The following GNG7 variants were observed in gnomAD, a reference collection of about 807,000 sequenced individuals.
GNG7 encodes the protein G protein subunit gamma 7.
In GNG7, 1 loss-of-function variant was observed where a neutral mutation model predicts 4.0. The ratio of observed to expected loss-of-function variants is 0.25; its 90% CI spans 0.09 to 1.18. The LOEUF (loss-of-function observed/expected upper bound fraction) is 1.18. Among genes scored for constraint, GNG7 ranks in the 50% most tolerant of loss-of-function variants. The probability of loss-of-function intolerance (pLI) is 0.50; values close to 1 mark genes in which losing one functional copy is unlikely to be tolerated. For missense variants in GNG7, 86 were observed against 91.9 expected (o/e 0.94, Z 0.26); for synonymous variants, 34 against 36.9 (o/e 0.92, Z 0.29).
intron 3 of GNG7, among the ~76,000 whole-genome samples, chr19:2,526,044 C>T (rs1459731178): frequency 2.8e-5 from 4 of 145,446 alleles, no homozygotes; most frequent in Non-Finnish European, 5.9e-5. Context: ...GATCTTGGCT[C>T]ACTGCAACCT....
intron 3 of GNG7, among the ~76,000 whole-genome samples, chr19:2,552,871 G>A (rs1222468385): frequency 7.3e-6 from 1 of 136,898 alleles, no homozygotes; most frequent in Admixed American, 7.6e-5. Flanking sequence ...CCTCCCCACT[G>A]TCTGTGGAAA....
At chr19:2,699,737 G>A (rs150573327) in intron 1 of GNG7, among the ~76,000 whole-genome samples, 1 of 152,316 alleles carries the variant, frequency 6.6e-6, no homozygotes, top group Non-Finnish European at 1.5e-5. Context: ...GGAGGTCAGG[G>A]ATGCTGCTCG....
At chr19:2,663,450 C>T (rs1983229588) in intron 1 of GNG7, among the ~76,000 whole-genome samples, 2 of 152,154 alleles carry the variant, frequency 1.3e-5, no homozygotes, top group South Asian at 4.2e-4. Flanking sequence ...ATGCCAGCAC[C>T]TCGACATTGG....
intron 2 of GNG7, among the ~76,000 whole-genome samples, chr19:2,620,121 C>T (rs1435437317): frequency 1.3e-5 from 2 of 150,842 alleles, no homozygotes; most frequent in African/African-American, 2.4e-5. Flanking sequence ...TGCTTGAACC[C>T]GGGAGGTAGA....
At chr19:2,601,592 C>T (rs987306505) in intron 2 of GNG7, among the ~76,000 whole-genome samples, 1 of 152,098 alleles carries the variant, frequency 6.6e-6, no homozygotes, top group Non-Finnish European at 1.5e-5. Context: ...TGCAATCCCC[C>T]GATGTCAGAT....
At chr19:2,665,288 C>T (rs915072245) in intron 1 of GNG7, among the ~76,000 whole-genome samples, 3 of 151,996 alleles carry the variant, frequency 2.0e-5, no homozygotes, top group African/African-American at 7.3e-5. Flanking sequence ...CCGTGACCTC[C>T]AGCCACTGCA....
chr19:2,572,597 C>CTTT (rs372886442), intron 2 of GNG7, among the ~76,000 whole-genome samples: 15 of 132,858 alleles, frequency 1.1e-4, no homozygotes, highest in African/African-American at 2.8e-4. Context: ...GCGCCCGGCC[C>CTTT]TTTTTTTTTT....
rs1209392176 is a variant in GNG7 at position 2,557,276 on chromosome 19, C to G, written c.-77-2088G>C. ...ACACGTGCACACACATTTGCACACA[C>G]AGACACGTGCACACACAGAGGTGCA... On this transcript the variant is annotated intron_variant, in intron 2 of 4. Coordinates refer to ENST00000382159, the MANE Select transcript of GNG7 (RefSeq NM_052847.3). The surrounding 1 kb of genome is among the most constrained non-coding windows in gnomAD (Gnocchi z 5.1). Among the ~76,000 whole-genome samples, 2 of 150,396 alleles carry G rather than the reference C, an allele frequency of 1.3e-5. No homozygotes were observed. Among genetic ancestry groups the G allele is most frequent in the Non-Finnish European group, 1.5e-5 (1 of 67,848 alleles).
rs1330156737 is a variant in GNG7 at position 2,607,573 on chromosome 19, AAAAAAAG to A, written c.-78+38644_-78+38650del. Among the ~76,000 whole-genome samples the A allele has an allele frequency of 1.2e-4, 10 of 85,518 alleles. No homozygotes were observed. In the East Asian group the frequency reaches 1.6e-3, roughly 14 times the overall value. 56.1% of individuals were successfully genotyped at this position (85,518 alleles called of 152,430 possible). On this transcript the variant is annotated intron_variant, in intron 2 of 4. Transcript: ENST00000382159. ...AAAGACTAAAATGGTAAAAAAAAAAAAAAAAAGAAAGAAAGAAAAGAAAAAAGAAAAA... is the reference window on the plus strand; with the variant it reads ...AAAGACTAAAATGGTAAAAAAAAAAAAAAGAAAGAAAAGAAAAAAGAAAAA...
intron 2 of GNG7, among the ~76,000 whole-genome samples, chr19:2,570,280 A>G (rs1980106100): frequency 6.6e-6 from 1 of 152,124 alleles, no homozygotes; most frequent in Admixed American, 6.6e-5. Flanking sequence ...CCATGCTTGT[A>G]TGGTCTGTAG....
At position 2,684,979 on chromosome 19, in the gene GNG7, A is replaced by G. The variant is rs375881663; in HGVS notation, c.-135+17667T>C. 5.8e-4 allele frequency among the ~76,000 whole-genome samples: 88 copies of G among 152,128 alleles called. 1 individual carries two copies. In the East Asian group the frequency reaches 0.017, roughly 29 times the overall value. The stretch of plus-strand genomic sequence containing the variant: ...TCTCTACTAAAAATACAAAAATTAG[A>G]CAGGCGTGGCGGCACACGCCTGTAA... On this transcript the variant is annotated intron_variant, in intron 1 of 4. Coordinates refer to ENST00000382159, the MANE Select transcript of GNG7 (RefSeq NM_052847.3).
intron 1 of GNG7, among the ~76,000 whole-genome samples, chr19:2,674,488 T>G (rs1402881834): frequency 6.6e-6 from 1 of 152,054 alleles, no homozygotes; most frequent in Non-Finnish European, 1.5e-5. Flanking sequence ...TAGGCTGGAG[T>G]GCAGTGGTGC....
chr19:2,532,088 T>C (rs574502984), intron 3 of GNG7, among the ~76,000 whole-genome samples: 1 of 151,270 alleles, frequency 6.6e-6, no homozygotes, highest in Admixed American at 6.6e-5. Flanking sequence ...GAGGCGGAGC[T>C]TGCAGTGAGC....
chr19:2,650,695 G>T (rs59389123), intron 1 of GNG7, among the ~76,000 whole-genome samples: 6,054 of 152,244 alleles, frequency 0.04, 394 homozygotes, highest in African/African-American at 0.14. Flanking sequence ...CATCCCAGCC[G>T]CTCTGTCCTC....
At chr19:2,655,838 G>GAA (rs56041767) in intron 1 of GNG7, among the ~76,000 whole-genome samples, 9 of 54,750 alleles carry the variant, frequency 1.6e-4, no homozygotes, top group East Asian at 5.3e-4. Context: ...GGCTCCGTCT[G>GAA]AAAAAAAAAA....
At chr19:2,570,222 G>A (rs1980104675) in intron 2 of GNG7, among the ~76,000 whole-genome samples, 1 of 152,158 alleles carries the variant, frequency 6.6e-6, no homozygotes, top group Admixed American at 6.5e-5. Context: ...CTTCTGCCAT[G>A]AGTGGAAACT....
At chr19:2,672,186 T>A (rs1983473069) in intron 1 of GNG7, among the ~76,000 whole-genome samples, 1 of 151,602 alleles carries the variant, frequency 6.6e-6, no homozygotes, top group South Asian at 2.1e-4. Flanking sequence ...CACAGGCACC[T>A]GCCACCATAC....
intron 1 of GNG7, among the ~76,000 whole-genome samples, chr19:2,666,422 C>T (rs1983313142): frequency 6.6e-6 from 1 of 152,206 alleles, no homozygotes; most frequent in African/African-American, 2.4e-5. Context: ...ATCTGCCCAC[C>T]TCAGCCTCCC....
chr19:2,619,000 A>C lies in GNG7; in HGVS notation c.-78+27224T>G, dbSNP rs1981796415. ...ATGAACTTTTTTGTTTGTCTCTTTAAGAAAACGGTTACTATCCATGAAAAA... is the reference window on the plus strand; with the variant it reads ...ATGAACTTTTTTGTTTGTCTCTTTACGAAAACGGTTACTATCCATGAAAAA... On this transcript the variant is annotated intron_variant, in intron 2 of 4. Transcript: ENST00000382159. The surrounding 1 kb of genome is among the most constrained non-coding windows in gnomAD (Gnocchi z 5.1). Among the ~76,000 whole-genome samples the C allele has an allele frequency of 6.6e-6, 1 of 152,162 alleles. No homozygotes were observed. The highest frequency in any genetic ancestry group is 2.4e-5 in the African/African-American group (1 of 41,428).
Sources: gnomAD v4.1 joint callset for allele counts (sites outside exome capture counted in the v4.1 genomes callset) on GRCh38, gnomAD v4.1.1 for gene constraint, Gnocchi (gnomAD v3.1) non-coding constraint, MANE v1.5 for transcripts, NCBI Gene and HGNC (gene_info 2026-07-23, HGNC 2026-07-21) for gene names.